BPIFA2: variants seen among roughly 807,000 people sequenced by gnomAD.
BPIFA2 encodes the protein BPI fold containing family A member 2.
BPIFA2 carries 20 observed loss-of-function variants against 25.7 expected under a neutral mutation model. The observed-to-expected ratio is 0.78, with a 90% CI of 0.55 to 1.13. BPIFA2 has a LOEUF of 1.13. Among genes scored for constraint, BPIFA2 ranks in the 50% most tolerant of loss-of-function variants. The pLI, the probability that BPIFA2 is intolerant of heterozygous loss-of-function variation, is 0.00. For missense variants in BPIFA2, 300 were observed against 298.1 expected (o/e 1.01, Z -0.05); for synonymous variants, 126 against 124.3 (o/e 1.01, Z -0.09).
In BPIFA2 at chr20:33,175,445, T is replaced by G. The variant is rs1568609076; in HGVS notation, c.449T>G (p.Leu150Trp). ...IGQIINLKAS[L>W]DLLTAVTIET... ...CAGATTATCAACCTGAAAGCCTCCTTGGACCTCCTGACCGCAGTCACAATT... is the reference window on the plus strand; with the variant it reads ...CAGATTATCAACCTGAAAGCCTCCTGGGACCTCCTGACCGCAGTCACAATT... Residue 150 changes from leucine to tryptophan, a missense_variant, in exon 5 of 9, where the codon TTG becomes TGG. Transcript: ENST00000354932. 1 of 1,614,094 alleles carries G rather than the reference T, an allele frequency of 6.2e-7. No homozygotes were observed. The highest frequency in any genetic ancestry group is 8.5e-7 in the Non-Finnish European group (1 of 1,179,948).
intron 3 of BPIFA2, among the ~76,000 whole-genome samples, chr20:33,173,580 A>G (rs1016319879): frequency 2.0e-5 from 3 of 152,142 alleles, no homozygotes; most frequent in Non-Finnish European, 4.4e-5. Flanking sequence ...ATCTTGGCTC[A>G]CTACAGCCTC....
At chr20:33,169,383 A>AGGGG in intron 2 of BPIFA2, 81 bp downstream of exon 2, 1 of 1,434,722 alleles carries the variant, frequency 7.0e-7, no homozygotes, top group Non-Finnish European at 9.7e-7. Flanking sequence ...GGCTGCCACC[A>AGGGG]GGGGCTACTC....
chr20:33,179,664 G>C lies in BPIFA2; in HGVS notation c.706G>C (p.Val236Leu), dbSNP rs1075435. ...GGATGTGAATGTCATTCAGCAGGTC[G>C]TCGGTAAGTCAATGGGGAAGTGGGG... The part of the protein sequence containing the change: ...SLDVNVIQQV[V>L]DNPQHKTQLQ... Residue 236 changes from valine (V) to leucine (L), a missense_variant, in exon 7 of 9, where the codon GTC (valine) becomes CTC (leucine). Physicochemically the swap from Val to Leu is conservative, Grantham distance 32. Transcript: ENST00000354932. 0.016 allele frequency: 25,117 copies of C among 1,609,312 alleles called. 2,813 individuals carry two copies. In the African/African-American group the frequency reaches 0.26, roughly 17 times the overall value.
chr20:33,175,503 C>T lies in BPIFA2; in HGVS notation c.507C>T (p.Ala169=), dbSNP rs763606667. 9 of 1,613,970 alleles carry T rather than the reference C, an allele frequency of 5.6e-6. No individual in the cohort carries two copies. Among genetic ancestry groups the T allele is most frequent in the Middle Eastern group, 1.6e-4 (1 of 6,084 alleles). ...ETDPQTHQPV[A]VLGECASDPT... ...ATCCCCAGACACACCAGCCTGTTGC[C>T]GTCCTGGGAGAATGCGCCAGTGACC... The change falls in exon 5 of 9, where the codon GCC becomes GCT. Residue 169 remains alanine (A), a synonymous_variant. Transcript: ENST00000354932.
intron 5 of BPIFA2, among the ~76,000 whole-genome samples, chr20:33,176,348 G>A (rs1984075173): frequency 6.6e-6 from 1 of 152,212 alleles, no homozygotes; most frequent in African/African-American, 2.4e-5. Flanking sequence ...CGATGGCTGG[G>A]AGAGGATGAA....
In BPIFA2 at chr20:33,178,177, T is replaced by C; in HGVS notation, c.594T>C (p.Asn198=). ...KHSQIINKFV[N]SVINTLKSTV... ...GCCAAATCATCAACAAGTTCGTGAA[T>C]AGCGTGATCAACACGCTGAAAAGCA... The change falls in exon 6 of 9, where the codon AAT becomes AAC. Residue 198 remains asparagine (N), a synonymous_variant. Transcript: ENST00000354932. The C allele has an allele frequency of 1.2e-6, 2 of 1,607,620 alleles. No homozygotes were observed. The highest frequency in any genetic ancestry group is 1.7e-6 in the Non-Finnish European group (2 of 1,175,470).
At chr20:33,175,295 G>A in intron 4 of BPIFA2, 112 bp from the exon 5 acceptor site, 1 of 1,082,940 alleles carries the variant, frequency 9.2e-7, no homozygotes, top group Admixed American at 2.3e-5. Context: ...CCTGGGCCAT[G>A]TTGACATTAC....
intron 2 of BPIFA2, among the ~76,000 whole-genome samples, chr20:33,169,804 T>A (rs1028318452): frequency 6.6e-6 from 1 of 152,234 alleles, no homozygotes; most frequent in East Asian, 1.9e-4. Context: ...ATTCTTAGCA[T>A]ATTTTTCTTT....
In BPIFA2 at chr20:33,174,182, G is replaced by T. The variant is rs1983998832; in HGVS notation, c.406G>T (p.Ala136Ser). 1 of 1,613,834 alleles carries T rather than the reference G, an allele frequency of 6.2e-7. No individual in the cohort carries two copies. Among genetic ancestry groups the T allele is most frequent in the African/African-American group, 1.3e-5 (1 of 74,898 alleles). Residue 136 changes from alanine (A) to serine (S), a missense_variant, in exon 4 of 9, where the codon GCC becomes TCC. Ala to Ser is a moderately conservative substitution (Grantham distance 99). Transcript: ENST00000354932. ...CCCTGTCACCGCGAATGTCACTGTG[G>T]CCGGGTGAGTATGCACTAGAATCTG... ...SFPVTANVTV[A>S]GPIIGQIINL...
rs773187479 is a variant in BPIFA2 at position 33,175,455 on chromosome 20, G to C, written c.459G>C (p.Leu153=). Residue 153 remains leucine (L), a synonymous_variant, in exon 5 of 9, where the codon CTG becomes CTC. Transcript: ENST00000354932. ...IINLKASLDL[L]TAVTIETDPQ... is the part of the protein sequence containing the mutation. Reference sequence around the variant, plus strand: ...ACCTGAAAGCCTCCTTGGACCTCCTGACCGCAGTCACAATTGAAACTGATC... The same window carrying C: ...ACCTGAAAGCCTCCTTGGACCTCCTCACCGCAGTCACAATTGAAACTGATC... 6 of 1,614,028 alleles carry C rather than the reference G, an allele frequency of 3.7e-6. No individual in the cohort carries two copies. The South Asian group carries it at 6.6e-5, about 18-fold the overall frequency.
chr20:33,170,174 G>A (rs189940360), intron 2 of BPIFA2, among the ~76,000 whole-genome samples: 44 of 152,262 alleles, frequency 2.9e-4, no homozygotes, highest in South Asian at 6.2e-4. Flanking sequence ...TGAATTATAC[G>A]ATTAGACGTA....
upstream of BPIFA2, among the ~76,000 whole-genome samples, chr20:33,164,790 G>C (rs1381336602): frequency 1.3e-5 from 2 of 152,174 alleles, no homozygotes; most frequent in African/African-American, 4.8e-5. Context: ...CGAAGACAAG[G>C]TGCCCAGACT....
intron 5 of BPIFA2, 53 bp from the exon 6 acceptor site, chr20:33,178,094 C>T (rs1984143571): frequency 1.4e-6 from 2 of 1,422,784 alleles, no homozygotes; most frequent in Admixed American, 1.8e-5. Flanking sequence ...TTTGGCAGTT[C>T]TCCCATCTCT....
intron 2 of BPIFA2, among the ~76,000 whole-genome samples, chr20:33,169,731 C>A (rs7348250): frequency 0.029 from 4,403 of 152,206 alleles, 190 homozygotes; most frequent in African/African-American, 0.098. Context: ...TATGAAGGAG[C>A]CCTCTTCTTT....
At chr20:33,174,966 G>A (rs1321684777) in intron 4 of BPIFA2, among the ~76,000 whole-genome samples, 1 of 152,148 alleles carries the variant, frequency 6.6e-6, no homozygotes, top group African/African-American at 2.4e-5. Context: ...GAGCATGTGT[G>A]AAAGCACTTC....
At chr20:33,169,435 G>A (rs1156834021) in intron 2 of BPIFA2, 133 bp downstream of exon 2, 1 of 788,742 alleles carries the variant, frequency 1.3e-6, no homozygotes, top group South Asian at 2.0e-5. Flanking sequence ...TTCAATTCCT[G>A]ACTCATTCGT....
intron 5 of BPIFA2, among the ~76,000 whole-genome samples, chr20:33,176,217 A>C (rs1290173344): frequency 6.6e-6 from 1 of 152,234 alleles, no homozygotes; most frequent in Admixed American, 6.5e-5. Flanking sequence ...TTGAAAACTT[A>C]ATCCTCTCCA....
rs1568606901 is a variant in BPIFA2 at position 33,169,298 on chromosome 20, T to C, written c.153T>C (p.Leu51=). The C allele has an allele frequency of 1.3e-5, 21 of 1,613,670 alleles. No individual in the cohort carries two copies. The highest frequency in any genetic ancestry group is 1.7e-5 in the Non-Finnish European group (20 of 1,179,674). ...GACTTGAGACAGTTGACAATACTCT[T>C]AAAGGTAAATCAACAAGGGTGATGA... The part of the protein sequence containing the change: ...HEGLETVDNT[L]KGILEKLKVD... Residue 51 remains leucine, a synonymous_variant, in exon 2 of 9, where the codon CTT becomes CTC. Coordinates refer to ENST00000354932, the MANE Select transcript of BPIFA2 (RefSeq NM_080574.4).
At chr20:33,162,134 C>T (rs1196192497) in intron 1 of BPIFA2, among the ~76,000 whole-genome samples, 1 of 152,136 alleles carries the variant, frequency 6.6e-6, no homozygotes. Context: ...GCACCTGCCA[C>T]CACACCCGGC....
Sources: gnomAD v4.1 joint callset for allele counts (sites outside exome capture counted in the v4.1 genomes callset) on GRCh38, gnomAD v4.1.1 for gene constraint, MANE v1.5 for transcripts, NCBI Gene and HGNC (gene_info 2026-07-23, HGNC 2026-07-21) for gene names.